Variants in UST observed in about 807,000 individuals in gnomAD.
UST encodes uronyl 2-sulfotransferase, also known as chondroitin sulfate 2-O-sulfotransferase.
Under a neutral mutation model 45.6 loss-of-function variants are expected in UST, and 21 were observed. That is an observed-to-expected ratio of 0.46 (90% CI 0.33 to 0.66). UST has a LOEUF of 0.66. Among genes scored for constraint, UST ranks in the 30% least tolerant of loss-of-function variants. The probability of loss-of-function intolerance (pLI) is 0.02; values close to 1 mark genes in which losing one functional copy is unlikely to be tolerated. For missense variants in UST, 463 were observed against 512.4 expected, an observed-to-expected ratio of 0.90 and a Z score of 0.93; for synonymous variants, 215 against 200.6, an observed-to-expected ratio of 1.07 and a Z score of -0.61.
chr6:148,878,074 G>A (rs1172037001), intron 1 of UST, among the ~76,000 whole-genome samples: 2 of 119,108 alleles, frequency 1.7e-5, no homozygotes, highest in East Asian at 2.9e-4. Context: ...TGCGGGTATC[G>A]TGTATGAGTG....
intron 3 of UST, among the ~76,000 whole-genome samples, chr6:148,950,505 A>T (rs938911342): frequency 6.6e-6 from 1 of 152,010 alleles, no homozygotes; most frequent in Non-Finnish European, 1.5e-5. Context: ...GCCCTCCATT[A>T]CCTGACTCTT....
Position 148,807,130 on chromosome 6 carries a change from A to G in UST, c.247+59453A>G, listed in dbSNP as rs187452354. On this transcript the variant is annotated intron_variant, in intron 1 of 7. Coordinates refer to ENST00000367463, the MANE Select transcript of UST (RefSeq NM_005715.3). ...GAGCGAAGGAAAAATCCCCCAAAAG[A>G]GGGAGAGTTACTTTGTCAAAGCCTA... Among the ~76,000 whole-genome samples the G allele has an allele frequency of 3.9e-3, 595 of 152,306 alleles. 1 individual carries two copies. Among genetic ancestry groups the G allele is most frequent in the Middle Eastern group, 0.014 (4 of 294 alleles).
chr6:148,951,040 G>T (rs1451862618), intron 3 of UST, among the ~76,000 whole-genome samples: 1 of 152,236 alleles, frequency 6.6e-6, no homozygotes, highest in Non-Finnish European at 1.5e-5. Flanking sequence ...AGTAGCAGAA[G>T]AACATTCTGA....
chr6:148,849,881 T>C (rs1418761368), intron 1 of UST, among the ~76,000 whole-genome samples: 2 of 152,182 alleles, frequency 1.3e-5, no homozygotes, highest in African/African-American at 2.4e-5. Flanking sequence ...AATTTTATTT[T>C]AGTTACAACA....
intron 1 of UST, among the ~76,000 whole-genome samples, chr6:148,770,093 A>G (rs1776394203): frequency 6.6e-6 from 1 of 151,940 alleles, no homozygotes; most frequent in African/African-American, 2.4e-5. Context: ...TTCAAGATTA[A>G]AAAAATTGAG....
At chr6:149,070,098 T>G (rs2115046435) in intron 7 of UST, among the ~76,000 whole-genome samples, 1 of 152,234 alleles carries the variant, frequency 6.6e-6, no homozygotes, top group South Asian at 2.1e-4. Flanking sequence ...GAATTTATTT[T>G]AAATCACAGG....
chr6:148,958,329 G>C (rs896435148), intron 4 of UST, among the ~76,000 whole-genome samples: 3 of 152,136 alleles, frequency 2.0e-5, no homozygotes, highest in Admixed American at 6.5e-5. Flanking sequence ...AAGGTTTCCT[G>C]CCCGGGGACT....
At chr6:148,931,638 G>A (rs537630123) in intron 2 of UST, among the ~76,000 whole-genome samples, 2 of 152,328 alleles carry the variant, frequency 1.3e-5, no homozygotes, top group East Asian at 1.9e-4. Flanking sequence ...TACATAGCAT[G>A]TAAGAAAGTG....
At position 149,074,211 on chromosome 6, in the gene UST, G is replaced by A; in HGVS notation, c.*95G>A. ...CTTAAGGGACTAAATTAATGCTTGGGTGCATTAAAAAGAACAAAACATTCC... is the reference window on the plus strand; with the variant it reads ...CTTAAGGGACTAAATTAATGCTTGGATGCATTAAAAAGAACAAAACATTCC... On this transcript the variant is annotated 3_prime_UTR_variant, in exon 8 of 8. Coordinates refer to ENST00000367463, the MANE Select transcript of UST (RefSeq NM_005715.3). The A allele has an allele frequency of 2.2e-6, 3 of 1,370,558 alleles. No homozygotes were observed. Among genetic ancestry groups the A allele is most frequent in the Non-Finnish European group, 3.0e-6 (3 of 999,592 alleles). The allele number at this position is 1,370,558 out of a possible 1,614,324, so 84.9% of individuals were successfully genotyped here.
intron 3 of UST, among the ~76,000 whole-genome samples, chr6:148,942,170 A>G (rs1780139494): frequency 6.6e-6 from 1 of 152,178 alleles, no homozygotes; most frequent in East Asian, 1.9e-4. Context: ...TCCTGGTCTC[A>G]GAAACTGGCT....
At chr6:148,801,446 G>A (rs1047077017) in intron 1 of UST, among the ~76,000 whole-genome samples, 1 of 152,152 alleles carries the variant, frequency 6.6e-6, no homozygotes, top group Non-Finnish European at 1.5e-5. Context: ...AACCCAAATG[G>A]CAGTGAGCTT....
intron 7 of UST, among the ~76,000 whole-genome samples, chr6:149,048,559 G>C (rs923576337): frequency 4.7e-5 from 7 of 150,354 alleles, no homozygotes; most frequent in Non-Finnish European, 7.4e-5. Flanking sequence ...GAGAGAGAGA[G>C]ACACAGTAAA....
At chr6:149,060,983 A>C (rs1177199047) in intron 7 of UST, among the ~76,000 whole-genome samples, 1 of 152,194 alleles carries the variant, frequency 6.6e-6, no homozygotes, top group Non-Finnish European at 1.5e-5. Flanking sequence ...GGTTAAAACA[A>C]GTGCAGATTG....
rs1205756257 is a variant in UST at position 148,747,551 on chromosome 6, C to T, written c.121C>T (p.Leu41=). The T allele has an allele frequency of 1.3e-6, 2 of 1,567,922 alleles. No homozygotes were observed. The highest frequency in any genetic ancestry group is 8.6e-7 in the Non-Finnish European group (1 of 1,158,708). The change falls in exon 1 of 8, where the codon CTG becomes TTG. Residue 41 remains leucine, a synonymous_variant. Coordinates refer to ENST00000367463, the MANE Select transcript of UST (RefSeq NM_005715.3). The stretch of plus-strand genomic sequence containing the variant: ...GCGTCGGGTGCCCCTGCTGCCTTTC[C>T]TGCGCTTCTCCCTCCGGGACTACGG... ...WKRRVPLLPF[L]RFSLRDYGFC...
chr6:148,851,206 T>C (rs979916738), intron 1 of UST, among the ~76,000 whole-genome samples: 1 of 152,182 alleles, frequency 6.6e-6, no homozygotes, highest in African/African-American at 2.4e-5. Flanking sequence ...GCATCCCTCA[T>C]CCCTGACATG....
chr6:149,012,172 C>A (rs905823859), intron 5 of UST, among the ~76,000 whole-genome samples: 2 of 152,218 alleles, frequency 1.3e-5, no homozygotes, highest in African/African-American at 4.8e-5. Flanking sequence ...CCCATCTCAA[C>A]TAGAGTGTGT....
In UST at chr6:148,918,535, C is replaced by A. The variant is rs539082650; in HGVS notation, c.292-22744C>A. Among the ~76,000 whole-genome samples the A allele has an allele frequency of 4.6e-5, 7 of 152,270 alleles. 1 individual carries two copies. In the South Asian group the frequency reaches 1.4e-3, roughly 32 times the overall value. On this transcript the variant is annotated intron_variant, in intron 2 of 7. Coordinates refer to ENST00000367463, the MANE Select transcript of UST (RefSeq NM_005715.3). ...GATGTAAATTTTATAGGGCCATCAT[C>A]TTTAGATTTTTCTTTATCAAACAAA...
At chr6:149,048,077 G>A (rs755569943) in intron 7 of UST, among the ~76,000 whole-genome samples, 5 of 151,964 alleles carry the variant, frequency 3.3e-5, no homozygotes, top group Admixed American at 2.6e-4. Context: ...GGAAAAAATA[G>A]TCTCCTTATA....
intron 5 of UST, among the ~76,000 whole-genome samples, chr6:148,980,597 A>G (rs1300740482): frequency 3.3e-5 from 5 of 152,204 alleles, no homozygotes; most frequent in East Asian, 3.8e-4. Context: ...CAGCCCTGAC[A>G]TATTGCTTTC....
Sources: gnomAD v4.1 joint callset for allele counts (sites outside exome capture counted in the v4.1 genomes callset) on GRCh38, gnomAD v4.1.1 for gene constraint, MANE v1.5 for transcripts, NCBI Gene and HGNC (gene_info 2026-07-23, HGNC 2026-07-21) for gene names.